C16orf46: variants seen among roughly 807,000 people sequenced by gnomAD.
C16orf46 encodes the protein uncharacterized protein C16orf46.
C16orf46 carries 7 observed loss-of-function variants against 5.5 expected under a neutral mutation model. That is an observed-to-expected ratio of 1.28 (90% CI 0.73 to 2.40). C16orf46 has a LOEUF of 2.40. Ranked by LOEUF, C16orf46 falls within the 30% of genes most tolerant of loss-of-function variation. C16orf46 has a pLI of 0.00. For missense variants in C16orf46, 614 were observed against 476.0 expected (o/e 1.29, Z -2.70); for synonymous variants, 200 against 184.1 (o/e 1.09, Z -0.70).
At chr16:81,053,846 G>A (rs1378235723) in exon 4 of C16orf46, 17 of 479,818 alleles carry the variant, frequency 3.5e-5, no homozygotes, top group Middle Eastern at 3.8e-4. Flanking sequence ...CCTCTTTTTG[G>A]GGGCCGGGTT....
chr16:81,064,013 G>C lies in C16orf46; in HGVS notation c.-38-20C>G. 7.7e-7 allele frequency: 1 copy of C among 1,292,936 alleles called. No individual in the cohort carries two copies. The highest frequency in any genetic ancestry group is 1.4e-5 in the South Asian group (1 of 73,796). 80.1% of individuals were successfully genotyped at this position (1,292,936 alleles called of 1,614,324 possible). On this transcript the variant is annotated intron_variant, in intron 2 of 3. Transcript: ENST00000299578. ...TTCTTGCTGTTTAAAAACATGAATG[G>C]AACTTCGTTTTTAATATTAATTTTT...
At chr16:81,055,791 C>T (rs1003681278) in intron 3 of C16orf46, among the ~76,000 whole-genome samples, 12 of 152,194 alleles carry the variant, frequency 7.9e-5, no homozygotes, top group African/African-American at 2.9e-4. Flanking sequence ...GGAATCTCAG[C>T]TCACTGCAAC....
intron 1 of C16orf46, among the ~76,000 whole-genome samples, chr16:81,073,629 G>T (rs971110117): frequency 6.6e-6 from 1 of 152,152 alleles, no homozygotes; most frequent in Non-Finnish European, 1.5e-5. Flanking sequence ...GATAATCTGG[G>T]TGGCCCTAAT....
In C16orf46 at chr16:81,061,389, G is replaced by A; in HGVS notation, c.960C>T (p.Tyr320=). 3.1e-6 allele frequency: 5 copies of A among 1,614,194 alleles called. No homozygotes were observed. The Admixed American group carries it at 8.3e-5, about 27-fold the overall frequency. Residue 320 remains tyrosine (Y), a synonymous_variant, in exon 4 of 4, where the codon TAC becomes TAT. Transcript: ENST00000299578. ...ACPPDPSNVR[Y]LAALQLLQKR... ...TCTGCAGAAGCTGCAAGGCAGCAAG[G>A]TAGCGAACGTTGCTGGGGTCTGGAG...
chr16:81,059,775 AT>A (rs1183674431), downstream of C16orf46, among the ~76,000 whole-genome samples: 7 of 150,442 alleles, frequency 4.7e-5, no homozygotes, highest in Non-Finnish European at 1.0e-4. Flanking sequence ...TGATCTTTTT[AT>A]TTTTTTCCCA....
downstream of C16orf46, chr16:81,056,158 C>T (rs1971290459): frequency 6.6e-6 from 1 of 152,202 alleles, no homozygotes; most frequent in South Asian, 2.1e-4. Context: ...TATTGGCTGC[C>T]TTTTCATATT....
intron 2 of C16orf46, 103 bp downstream of exon 2, chr16:81,066,090 G>A (rs1176224292): frequency 6.6e-6 from 1 of 151,464 alleles, no homozygotes; most frequent in African/African-American, 2.4e-5. Flanking sequence ...ATGTAATGAG[G>A]GTTCACAAGG....
At chr16:81,071,369 G>C (rs932342953) in intron 1 of C16orf46, among the ~76,000 whole-genome samples, 2 of 152,156 alleles carry the variant, frequency 1.3e-5, no homozygotes, top group Non-Finnish European at 2.9e-5. Context: ...TCGCTGCAGG[G>C]GAAGAGAAGT....
Position 81,061,585 on chromosome 16 carries a change from A to C in C16orf46, c.764T>G (p.Leu255Trp). 6.2e-7 allele frequency: 1 copy of C among 1,614,174 alleles called. No individual in the cohort carries two copies. The highest frequency in any genetic ancestry group is 8.5e-7 in the Non-Finnish European group (1 of 1,180,032). ...KDGCVAYAYG[L>W]KTADGKGEKR... ...TTCACCTTTCCCATCTGCTGTTTTC[A>C]AGCCATATGCATAAGCCACACACCC... is the stretch of plus-strand genomic sequence containing the variant. Residue 255 changes from leucine (L) to tryptophan (W), a missense_variant, in exon 4 of 4, where the codon TTG becomes TGG. Physicochemically the swap from Leu to Trp is moderately conservative, Grantham distance 61. Coordinates refer to ENST00000299578, the MANE Select transcript of C16orf46 (RefSeq NM_152337.3).
At chr16:81,055,472 T>G (rs1380884281) in intron 3 of C16orf46, 2 of 151,510 alleles carry the variant, frequency 1.3e-5, no homozygotes, top group Non-Finnish European at 2.9e-5. Context: ...GGCAGGCGGA[T>G]CACTTGAGTC....
At chr16:81,063,462 A>G (rs1050301990) in intron 3 of C16orf46, among the ~76,000 whole-genome samples, 5 of 152,130 alleles carry the variant, frequency 3.3e-5, no homozygotes, top group Non-Finnish European at 7.3e-5. Flanking sequence ...TCATCCACAA[A>G]GCGAGGCTGG....
intron 1 of C16orf46, chr16:81,076,311 G>A (rs1265550364): frequency 6.7e-6 from 1 of 149,070 alleles, no homozygotes; most frequent in East Asian, 2.0e-4. Context: ...ACCTTTGTCT[G>A]AAAGTTAAGC....
intron 3 of C16orf46, among the ~76,000 whole-genome samples, chr16:81,054,709 CGT>C (rs1212278560): frequency 1.3e-5 from 2 of 152,058 alleles, no homozygotes; most frequent in Non-Finnish European, 2.9e-5. Context: ...TATGCAGTGG[CGT>C]GATCTCGGCT....
chr16:81,068,913 C>G (rs577760307), intron 1 of C16orf46, among the ~76,000 whole-genome samples: 1 of 151,832 alleles, frequency 6.6e-6, no homozygotes, highest in African/African-American at 2.4e-5. Flanking sequence ...CCATGTTGGC[C>G]AAGCTGGTCA....
At chr16:81,076,484 C>T (rs1415892753) in intron 1 of C16orf46, 3 of 152,222 alleles carry the variant, frequency 2.0e-5, no homozygotes, top group Non-Finnish European at 4.4e-5. Context: ...CTACACCATC[C>T]CTCCCGATCA....
intron 3 of C16orf46, among the ~76,000 whole-genome samples, chr16:81,063,121 T>A (rs1239687246): frequency 6.6e-6 from 1 of 151,434 alleles, no homozygotes; most frequent in Non-Finnish European, 1.5e-5. Flanking sequence ...TGGGCACCTA[T>A]AATCCCAGCT....
At position 81,063,864 on chromosome 16, in the gene C16orf46, C is replaced by G; in HGVS notation, c.92G>C (p.Cys31Ser). The change falls in exon 3 of 4, where the codon TGT becomes TCT. Residue 31 changes from cysteine to serine, a missense_variant. Cys to Ser is a moderately radical substitution (Grantham distance 112, BLOSUM62 -1). Coordinates refer to ENST00000299578, the MANE Select transcript of C16orf46 (RefSeq NM_152337.3). ...FTEETEPTYT[C>S]PDGKSEKNHV... ...ATTTTTTTCACTTTTTCCATCTGGACAAGTATAGGTTGGTTCTGTTTCTTC... is the reference window on the plus strand; with the variant it reads ...ATTTTTTTCACTTTTTCCATCTGGAGAAGTATAGGTTGGTTCTGTTTCTTC... 1 of 1,613,334 alleles carries G rather than the reference C, an allele frequency of 6.2e-7. No homozygotes were observed. Among genetic ancestry groups the G allele is most frequent in the Non-Finnish European group, 8.5e-7 (1 of 1,179,442 alleles).
intron 3 of C16orf46, chr16:81,055,560 G>T (rs919459006): frequency 1.3e-5 from 2 of 152,096 alleles, no homozygotes; most frequent in African/African-American, 4.8e-5. Context: ...TGAGCATGGT[G>T]GTGTGTGCCT....
intron 1 of C16orf46, among the ~76,000 whole-genome samples, chr16:81,068,563 G>A (rs1006991893): frequency 9.1e-4 from 57 of 62,536 alleles, no homozygotes; most frequent in African/African-American, 2.6e-3. Context: ...GTATTTCTTT[G>A]TATTTTTTTT....
Sources: gnomAD v4.1 joint callset for allele counts (sites outside exome capture counted in the v4.1 genomes callset) on GRCh38, gnomAD v4.1.1 for gene constraint, MANE v1.5 for transcripts, NCBI Gene and HGNC (gene_info 2026-07-23, HGNC 2026-07-21) for gene names.